TRANK1: variants seen among roughly 807,000 people sequenced by gnomAD.
TRANK1 encodes tetratricopeptide repeat and ankyrin repeat containing 1, also known as TPR and ankyrin repeat-containing protein 1.
Under a neutral mutation model 266.0 loss-of-function variants are expected in TRANK1, and 198 were observed. The ratio of observed to expected loss-of-function variants is 0.74; its 90% CI spans 0.66 to 0.84. The LOEUF is 0.84. TRANK1 is among the 40% of genes least tolerant of loss of function. The probability of loss-of-function intolerance (pLI) is 0.00; values close to 1 mark genes in which losing one functional copy is unlikely to be tolerated. For missense variants in TRANK1, 3,326 were observed against 3,634.6 expected, an observed-to-expected ratio of 0.92 and a Z score of 2.18; for synonymous variants, 1,396 against 1,384.1, an observed-to-expected ratio of 1.01 and a Z score of -0.19.
chr3:36,921,915 G>A (rs2080219386), intron 1 of TRANK1, among the ~76,000 whole-genome samples: 1 of 152,166 alleles, frequency 6.6e-6, no homozygotes. Flanking sequence ...GCTGGGCTGG[G>A]AGGATTGCTT....
intron 8 of TRANK1, among the ~76,000 whole-genome samples, chr3:36,879,625 TAAATATATATAAATATAC>T (rs1559448103): frequency 3.8e-5 from 4 of 105,858 alleles, no homozygotes; most frequent in African/African-American, 1.4e-4. Flanking sequence ...CAAATATATA[TAAATATATATAAATATAC>T]AAATATATAT....
At chr3:36,925,120 T>C (rs2080270524) in intron 1 of TRANK1, among the ~76,000 whole-genome samples, 1 of 152,210 alleles carries the variant, frequency 6.6e-6, no homozygotes, top group Admixed American at 6.5e-5. Context: ...CAAACTCTCC[T>C]GTAAAGTTTA....
chr3:36,844,165 AT>A (rs2078884475), intron 17 of TRANK1, among the ~76,000 whole-genome samples: 1 of 152,152 alleles, frequency 6.6e-6, no homozygotes, highest in Non-Finnish European at 1.5e-5. Flanking sequence ...TTCATTTTGA[AT>A]TTTTAAATTT....
At chr3:36,878,708 T>C (rs1193690478) in intron 8 of TRANK1, among the ~76,000 whole-genome samples, 1 of 149,578 alleles carries the variant, frequency 6.7e-6, no homozygotes, top group Non-Finnish European at 1.5e-5. Flanking sequence ...ACAAAACCCC[T>C]ATGACATGCA....
In TRANK1 at chr3:36,827,668, A is replaced by G. The variant is rs574181080; in HGVS notation, c.*607T>C. 1 of 152,628 alleles carries G rather than the reference A, an allele frequency of 6.6e-6. No individual in the cohort carries two copies. The highest frequency in any genetic ancestry group is 2.4e-5 in the African/African-American group (1 of 41,560). The allele number at this position is 152,628 out of a possible 1,614,324, so 9.5% of individuals were successfully genotyped here. A position where few individuals can be genotyped will look rare whatever the true frequency, so the allele number is the denominator to read the frequency against. On this transcript the variant is annotated 3_prime_UTR_variant, in exon 24 of 24. Coordinates refer to ENST00000645898, the MANE Select transcript of TRANK1 (RefSeq NM_001329998.2). ...TAAGAATGATCACAAAAAACAGAAGAAGGGAAGGCAGAAAAGTCGCCACAG... is the reference window on the plus strand; with the variant it reads ...TAAGAATGATCACAAAAAACAGAAGGAGGGAAGGCAGAAAAGTCGCCACAG...
intron 1 of TRANK1, among the ~76,000 whole-genome samples, chr3:36,918,115 C>A (rs1224993800): frequency 6.6e-6 from 1 of 152,034 alleles, no homozygotes; most frequent in Non-Finnish European, 1.5e-5. Context: ...CATGGATGAA[C>A]CTTCAGGGCA....
intron 9 of TRANK1, among the ~76,000 whole-genome samples, chr3:36,867,793 C>G (rs2079247779): frequency 6.6e-6 from 1 of 152,198 alleles, no homozygotes. Context: ...TCACATTTAG[C>G]AAATATAGCA....
chr3:36,902,298 CTTAAAG>C (rs1201050193), intron 3 of TRANK1, among the ~76,000 whole-genome samples: 6 of 152,234 alleles, frequency 3.9e-5, no homozygotes, highest in African/African-American at 1.4e-4. Context: ...AAATCCCTCT[CTTAAAG>C]TTAAAGTACT....
At chr3:36,896,099 T>G (rs2079786064) in intron 4 of TRANK1, among the ~76,000 whole-genome samples, 1 of 152,220 alleles carries the variant, frequency 6.6e-6, no homozygotes, top group Non-Finnish European at 1.5e-5. Context: ...AAATGGAAGC[T>G]TAAGTTACAA....
rs2079489171 is a variant in TRANK1, at chr3:36,879,936, AT to A, written c.908-5641del. 2.6e-4 allele frequency among the ~76,000 whole-genome samples: 5 copies of A among 19,468 alleles called. 1 individual carries two copies. The highest frequency in any genetic ancestry group is 4.4e-4 in the Non-Finnish European group (5 of 11,302). The allele number at this position is 19,468 out of a possible 152,430, so 12.8% of individuals were successfully genotyped here. On this transcript the variant is annotated intron_variant, in intron 8 of 23. Coordinates refer to ENST00000645898, the MANE Select transcript of TRANK1 (RefSeq NM_001329998.2). ...CAAATATATGTAAACATGCAAATAT[AT>A]GTAAACATGCAAATATATGTAAACA...
chr3:36,844,557 T>C (rs545615015), intron 17 of TRANK1, among the ~76,000 whole-genome samples: 3 of 152,088 alleles, frequency 2.0e-5, no homozygotes, highest in Admixed American at 6.5e-5. Flanking sequence ...TGCCAGAACA[T>C]ACTTGGGGAA....
In TRANK1 at chr3:36,831,608, T is replaced by C; in HGVS notation, c.7975A>G (p.Ile2659Val). 1 of 1,613,916 alleles carries C rather than the reference T, an allele frequency of 6.2e-7. No individual in the cohort carries two copies. The highest frequency in any genetic ancestry group is 8.5e-7 in the Non-Finnish European group (1 of 1,179,842). ...TCCTCATAATAGAGGCCACGGACTATGGACCCTTTGGTGTGCACAGGGTCC... is the reference window on the plus strand; with the variant it reads ...TCCTCATAATAGAGGCCACGGACTACGGACCCTTTGGTGTGCACAGGGTCC... ...RWDPVHTKGS[I>V]VRGLYYEEVR... The change falls in exon 22 of 24, where the codon ATA (isoleucine) becomes GTA (valine). Residue 2659 changes from isoleucine (I) to valine (V), a missense_variant. Coordinates refer to ENST00000645898, the MANE Select transcript of TRANK1 (RefSeq NM_001329998.2). This position sits in a 1 kb window ranked among gnomAD's most constrained non-coding sequence, Gnocchi z 5.0.
Position 36,832,716 on chromosome 3 carries a change from G to A in TRANK1, c.6867C>T (p.Cys2289=). The A allele has an allele frequency of 6.2e-7, 1 of 1,614,014 alleles. No individual in the cohort carries two copies. Among genetic ancestry groups the A allele is most frequent in the Non-Finnish European group, 8.5e-7 (1 of 1,179,892 alleles). ...TGTAATTTGGTTTGAGGATTTCTTTGCATGCCATGGGGTTTTCTGACAACA... is the reference window on the plus strand; with the variant it reads ...TGTAATTTGGTTTGAGGATTTCTTTACATGCCATGGGGTTTTCTGACAACA... The part of the protein sequence containing the change: ...QRVLSENPMA[C]KEILKPNYKS... The change falls in exon 22 of 24, where the codon TGC becomes TGT. Residue 2289 remains cysteine (C), a synonymous_variant. Transcript: ENST00000645898.
rs759553887 is a variant in TRANK1 at position 36,892,260 on chromosome 3, A to G, written c.717T>C (p.Ser239=). The part of the protein sequence containing the change: ...LVQWLISIGA[S]VETIGPYPLH... ...GGGGATACGGTCCTATAGTCTCAAC[A>G]CTTGCACCAATGGAGATGAGCCACT... The change falls in exon 7 of 24, where the codon AGT becomes AGC. Residue 239 remains serine, a synonymous_variant. Coordinates refer to ENST00000645898, the MANE Select transcript of TRANK1 (RefSeq NM_001329998.2). The G allele has an allele frequency of 5.2e-6, 8 of 1,537,084 alleles. No homozygotes were observed. In the South Asian group the frequency reaches 7.1e-5, roughly 14 times the overall value.
rs2078731869 is a variant in TRANK1 at position 36,833,815 on chromosome 3, T to G, written c.5768A>C (p.Lys1923Thr). ...GAGGACAGCCATCATTTCCTTCATC[T>G]TATTTGCACTCAGATACTTTGCTGC... ...EAAAKYLSANKMKEMMAVLSK... is the reference protein window; with the variant it reads ...EAAAKYLSANTMKEMMAVLSK... Residue 1923 changes from lysine (K) to threonine (T), a missense_variant, in exon 22 of 24, where the codon AAG (lysine) becomes ACG (threonine). Coordinates refer to ENST00000645898, the MANE Select transcript of TRANK1 (RefSeq NM_001329998.2). 1.2e-6 allele frequency: 2 copies of G among 1,614,040 alleles called. No individual in the cohort carries two copies. Among genetic ancestry groups the G allele is most frequent in the Admixed American group, 1.7e-5 (1 of 60,028 alleles).
intron 9 of TRANK1, among the ~76,000 whole-genome samples, chr3:36,872,346 G>A (rs2079321519): frequency 6.6e-6 from 1 of 152,170 alleles, no homozygotes; most frequent in Admixed American, 6.5e-5. Flanking sequence ...AGGTTGCAAT[G>A]AGCTGAGATC....
intron 15 of TRANK1, 55 bp from the exon 16 acceptor site, chr3:36,847,401 A>G (rs2078930270): frequency 1.3e-6 from 2 of 1,588,414 alleles, no homozygotes; most frequent in Admixed American, 1.7e-5. Flanking sequence ...AACTACGCAT[A>G]CAGCCTCCCT....
chr3:36,857,707 G>A lies in TRANK1; in HGVS notation c.2015C>T (p.Ala672Val). Residue 672 changes from alanine (A) to valine (V), a missense_variant, in exon 13 of 24, where the codon GCC (alanine) becomes GTC (valine). Coordinates refer to ENST00000645898, the MANE Select transcript of TRANK1 (RefSeq NM_001329998.2). The surrounding 1 kb of genome is among the most constrained non-coding windows in gnomAD (Gnocchi z 4.3). ...CTTGAGCTGAGATGTGTGACCAGGG[G>A]CAGTGGACTTTGAGAGCTTCCCCAG... ...AHLGKLSKST[A>V]PGHTSQLKSQ... The A allele has an allele frequency of 6.2e-7, 1 of 1,614,004 alleles. No homozygotes were observed.
intron 10 of TRANK1, among the ~76,000 whole-genome samples, chr3:36,863,774 A>T (rs1420955437): frequency 6.6e-6 from 1 of 152,146 alleles, no homozygotes; most frequent in African/African-American, 2.4e-5. Context: ...TCTGCTGCAC[A>T]CCCTGAGTAT....
Sources: allele counts gnomAD v4.1 joint callset (sites outside exome capture counted in the v4.1 genomes callset), GRCh38; gene constraint gnomAD v4.1.1; non-coding constraint Gnocchi (gnomAD v3.1); transcripts MANE v1.5; gene names NCBI Gene and HGNC (gene_info 2026-07-23, HGNC 2026-07-21).